The following ELMO1 variants were observed in gnomAD, a reference collection of about 807,000 sequenced individuals.
ELMO1 encodes engulfment and cell motility 1.
In ELMO1, 26 loss-of-function variants were observed where a neutral mutation model predicts 98.9. That is an observed-to-expected ratio of 0.26 (90% CI 0.19 to 0.36). The LOEUF (loss-of-function observed/expected upper bound fraction) is 0.36, where lower values mean the gene tolerates loss of function less well. Among genes scored for constraint, ELMO1 ranks in the 10% least tolerant of loss-of-function variants. The pLI, the probability that ELMO1 is intolerant of heterozygous loss-of-function variation, is 1.00. For missense variants in ELMO1, 627 were observed against 935.2 expected, an observed-to-expected ratio of 0.67 and a Z score of 4.30; for synonymous variants, 346 against 346.0, an observed-to-expected ratio of 1.00 and a Z score of 0.00.
intron 15 of ELMO1, among the ~76,000 whole-genome samples, chr7:37,033,617 T>C (rs1036965475): frequency 1.3e-5 from 2 of 152,186 alleles, no homozygotes; most frequent in Non-Finnish European, 2.9e-5. Flanking sequence ...GTACACTGAA[T>C]ATCTGATGAA....
In ELMO1 at chr7:37,168,494, G is replaced by A. The variant is rs908523181; in HGVS notation, c.1087-35260C>T. 3.3e-5 allele frequency among the ~76,000 whole-genome samples: 5 copies of A among 152,126 alleles called. No individual in the cohort carries two copies. In the East Asian group the frequency reaches 7.7e-4, roughly 24 times the overall value. On this transcript the variant is annotated intron_variant, in intron 13 of 21. Transcript: ENST00000310758. ...TATCTACTTTTGGTCTTTGATGATG[G>A]TGATGTACAGATGGGTTTTTGGTGT... is the stretch of plus-strand genomic sequence containing the variant.
chr7:37,438,283 C>A (rs1297754807), intron 1 of ELMO1, among the ~76,000 whole-genome samples: 1 of 149,438 alleles, frequency 6.7e-6, no homozygotes, highest in East Asian at 1.9e-4. Context: ...TAATAAAGAA[C>A]CTGAATAGAA....
At chr7:37,031,099 G>C (rs570638429) in intron 15 of ELMO1, among the ~76,000 whole-genome samples, 7 of 151,916 alleles carry the variant, frequency 4.6e-5, no homozygotes, top group Non-Finnish European at 1.0e-4. Flanking sequence ...ACTGACCTTG[G>C]TTCAGGTGCT....
At chr7:37,159,706 A>C (rs1036376948) in intron 13 of ELMO1, among the ~76,000 whole-genome samples, 16 of 151,354 alleles carry the variant, frequency 1.1e-4, no homozygotes, top group Admixed American at 1.1e-3. Context: ...CTCAAAAAAT[A>C]ATAATAATAA....
intron 14 of ELMO1, among the ~76,000 whole-genome samples, chr7:37,127,895 T>G (rs1000008447): frequency 6.6e-6 from 1 of 152,084 alleles, no homozygotes; most frequent in Non-Finnish European, 1.5e-5. Context: ...ATTAAATACA[T>G]CAAGAACATA....
chr7:37,352,221 A>G (rs1801303277), intron 1 of ELMO1, among the ~76,000 whole-genome samples: 1 of 152,228 alleles, frequency 6.6e-6, no homozygotes, highest in Admixed American at 6.5e-5. Flanking sequence ...GAACCCAGCC[A>G]GAATGAAATC....
intron 1 of ELMO1, among the ~76,000 whole-genome samples, chr7:37,427,241 C>T (rs1423149342): frequency 6.6e-6 from 1 of 152,200 alleles, no homozygotes; most frequent in Non-Finnish European, 1.5e-5. Flanking sequence ...AGTGACATCT[C>T]TGTGATGTGC....
chr7:37,212,302 T>C (rs1793021286), intron 12 of ELMO1, among the ~76,000 whole-genome samples: 2 of 152,306 alleles, frequency 1.3e-5, no homozygotes, highest in South Asian at 4.1e-4. Context: ...TGGAGATAGA[T>C]GGTGGTGACA....
At chr7:36,899,815 T>C (rs1806359459) in intron 16 of ELMO1, among the ~76,000 whole-genome samples, 1 of 151,266 alleles carries the variant, frequency 6.6e-6, no homozygotes, top group Non-Finnish European at 1.5e-5. Flanking sequence ...AGTTCCTCCT[T>C]CTAAGCCTTA....
intron 15 of ELMO1, among the ~76,000 whole-genome samples, chr7:37,027,390 C>T (rs989926839): frequency 2.6e-5 from 4 of 152,128 alleles, no homozygotes; most frequent in Admixed American, 2.6e-4. Flanking sequence ...CTACTTTGAG[C>T]AGGGGTACTG....
At chr7:37,063,215 T>C (rs1216165409) in intron 15 of ELMO1, among the ~76,000 whole-genome samples, 1 of 152,062 alleles carries the variant, frequency 6.6e-6, no homozygotes, top group African/African-American at 2.4e-5. Flanking sequence ...TTCAAATGGA[T>C]GCTCACACCT....
intron 15 of ELMO1, among the ~76,000 whole-genome samples, chr7:37,064,465 C>T (rs1796844232): frequency 6.6e-6 from 1 of 152,128 alleles, no homozygotes; most frequent in Admixed American, 6.5e-5. Flanking sequence ...AGCCAGTGGG[C>T]CTTGGGCTAA....
intron 1 of ELMO1, among the ~76,000 whole-genome samples, chr7:37,344,454 T>G (rs1356374340): frequency 6.6e-6 from 1 of 152,238 alleles, no homozygotes; most frequent in Non-Finnish European, 1.5e-5. Flanking sequence ...TGTGTCCTAT[T>G]TGATGAACCA....
intron 13 of ELMO1, among the ~76,000 whole-genome samples, chr7:37,136,162 C>A (rs150821207): frequency 6.6e-6 from 1 of 151,954 alleles, no homozygotes; most frequent in South Asian, 2.1e-4. Context: ...TAACCCAATC[C>A]GTCAAAGACA....
chr7:37,383,959 G>A (rs1583661743), intron 1 of ELMO1, among the ~76,000 whole-genome samples: 2 of 152,248 alleles, frequency 1.3e-5, no homozygotes, highest in East Asian at 3.9e-4. Flanking sequence ...GGGACTACAA[G>A]CGCCCGCCAC....
intron 1 of ELMO1, among the ~76,000 whole-genome samples, chr7:37,434,769 C>A (rs1805078134): frequency 6.6e-6 from 1 of 152,208 alleles, no homozygotes; most frequent in South Asian, 2.1e-4. Flanking sequence ...CCAAGGTCAG[C>A]CTTTTACACA....
chr7:37,357,229 G>T (rs1801530628), intron 1 of ELMO1, among the ~76,000 whole-genome samples: 1 of 152,156 alleles, frequency 6.6e-6, no homozygotes, highest in Non-Finnish European at 1.5e-5. Context: ...CGTTTCTAAA[G>T]GCTCCCATGT....
intron 15 of ELMO1, among the ~76,000 whole-genome samples, chr7:37,082,869 C>T (rs531832527): frequency 1.3e-5 from 2 of 152,208 alleles, no homozygotes; most frequent in Non-Finnish European, 2.9e-5. Context: ...CCCTTTATAA[C>T]AAGGCCTGTG....
At chr7:37,124,570 A>C (rs1404631686) in intron 14 of ELMO1, among the ~76,000 whole-genome samples, 1 of 152,198 alleles carries the variant, frequency 6.6e-6, no homozygotes, top group Non-Finnish European at 1.5e-5. Context: ...TAAGAATCCA[A>C]CTTACAAGGG....
Sources: allele counts gnomAD v4.1 joint callset (sites outside exome capture counted in the v4.1 genomes callset), GRCh38; gene constraint gnomAD v4.1.1; transcripts MANE v1.5; gene names NCBI Gene and HGNC (gene_info 2026-07-23, HGNC 2026-07-21).